Variants in CACNA1H observed in about 807,000 individuals in gnomAD.
CACNA1H encodes calcium voltage-gated channel subunit alpha1 H.
In CACNA1H, 149 loss-of-function variants were observed where a neutral mutation model predicts 192.5. The ratio of observed to expected loss-of-function variants is 0.77; its 90% CI spans 0.68 to 0.89. The LOEUF is 0.89. Among genes scored for constraint, CACNA1H ranks in the 40% least tolerant of loss-of-function variants. The probability of loss-of-function intolerance (pLI) is 0.00; values close to 1 mark genes in which losing one functional copy is unlikely to be tolerated. For missense variants in CACNA1H, 4,257 were observed against 3,423.5 expected, an observed-to-expected ratio of 1.24 and a Z score of -6.08; for synonymous variants, 2,202 against 1,475.2, an observed-to-expected ratio of 1.49 and a Z score of -11.29.
In CACNA1H at chr16:1,215,515, G is replaced by C. The variant is rs200481928; in HGVS notation, c.5174-8G>C. The C allele has an allele frequency of 1.7e-5, 28 of 1,610,646 alleles. No homozygotes were observed. The highest frequency in any genetic ancestry group is 1.6e-4 in the African/African-American group (12 of 75,008). On this transcript the variant is annotated splice_polypyrimidine_tract_variant and splice_region_variant and intron_variant, in intron 29 of 34. Coordinates refer to ENST00000348261, the MANE Select transcript of CACNA1H (RefSeq NM_021098.3). ...CCAGCCCTGCTGACGCTCAGCTCCC[G>C]GCCCTAGTGCTGAAGCTGCTGAAGA...
chr16:1,153,646 C>G (rs1374787770), intron 1 of CACNA1H, 74 bp from the exon 2 acceptor site: 5 of 978,430 alleles, frequency 5.1e-6, no homozygotes, highest in Admixed American at 4.7e-5. Flanking sequence ...CGCGGCTGTT[C>G]CCGCAGCTCC....
intron 2 of CACNA1H, among the ~76,000 whole-genome samples, chr16:1,164,383 A>G (rs1963540502): frequency 1.3e-5 from 2 of 152,032 alleles, no homozygotes; most frequent in African/African-American, 4.8e-5. Context: ...GCCCAGGCTG[A>G]GTGCAGTGGT....
At position 1,200,152 on chromosome 16, in the gene CACNA1H, C is replaced by A. The variant is rs575429135; in HGVS notation, c.804-104C>A. The A allele has an allele frequency of 4.4e-4, 403 of 912,508 alleles. 1 individual carries two copies. The highest frequency in any genetic ancestry group is 5.8e-4 in the Non-Finnish European group (368 of 632,610). 56.5% of individuals were successfully genotyped at this position (912,508 alleles called of 1,614,324 possible). ...TTAGTCCACTGGCCCTGACCCTGAT[C>A]ACGTCCCTGACCTTGATCACGTCCC... On this transcript the variant is annotated intron_variant, in intron 6 of 34. Coordinates refer to ENST00000348261, the MANE Select transcript of CACNA1H (RefSeq NM_021098.3).
At chr16:1,203,853 T>C (rs1968312483) in intron 9 of CACNA1H, among the ~76,000 whole-genome samples, 157 bp from the exon 10 acceptor site, 1 of 152,202 alleles carries the variant, frequency 6.6e-6, no homozygotes, top group Non-Finnish European at 1.5e-5. Context: ...AGATCCTGCT[T>C]TCTGTGAAGT....
chr16:1,216,056 CGTT>C (rs2141380962), intron 30 of CACNA1H, among the ~76,000 whole-genome samples: 1 of 152,308 alleles, frequency 6.6e-6, no homozygotes, highest in South Asian at 2.1e-4. Context: ...AGACCCAACA[CGTT>C]GTCCCGTCCG....
intron 2 of CACNA1H, among the ~76,000 whole-genome samples, chr16:1,182,108 C>A (rs1965538245): frequency 1.3e-5 from 2 of 152,212 alleles, no homozygotes; most frequent in Non-Finnish European, 2.9e-5. Context: ...TGGTGTTTCC[C>A]CGGGCTGTGG....
rs186291348 is a variant in CACNA1H, at chr16:1,172,274, C to A, written c.299+18238C>A. ...AGGGAGTTGGGGCTGGGGCTCCCCC[C>A]ACAGTGCATCACCGCAGCCTTGCCT... On this transcript the variant is annotated intron_variant, in intron 2 of 34. Transcript: ENST00000348261. Among the ~76,000 whole-genome samples the A allele has an allele frequency of 1.4e-3, 209 of 152,320 alleles. 1 individual carries two copies. Among genetic ancestry groups the A allele is most frequent in the African/African-American group, 4.6e-3 (192 of 41,562 alleles).
chr16:1,177,989 C>T (rs566795553), intron 2 of CACNA1H, among the ~76,000 whole-genome samples: 4 of 148,532 alleles, frequency 2.7e-5, no homozygotes, highest in South Asian at 4.4e-4. Context: ...GGGTCTCTCC[C>T]GCCCCCTCTC....
chr16:1,197,573 T>G (rs988620246), intron 5 of CACNA1H, among the ~76,000 whole-genome samples: 2 of 152,192 alleles, frequency 1.3e-5, no homozygotes, highest in Non-Finnish European at 1.5e-5. Context: ...CTGCATCCTG[T>G]TCTGTTGGCT....
At chr16:1,183,524 C>T (rs1207492949) in intron 2 of CACNA1H, among the ~76,000 whole-genome samples, 2 of 152,220 alleles carry the variant, frequency 1.3e-5, no homozygotes, top group Non-Finnish European at 2.9e-5. Flanking sequence ...GATCCTGGAT[C>T]GTGTGGCTGC....
At position 1,215,230 on chromosome 16, in the gene CACNA1H, C is replaced by T. The variant is rs911994343; in HGVS notation, c.5040-12C>T. On this transcript the variant is annotated splice_polypyrimidine_tract_variant and intron_variant, in intron 28 of 34. Coordinates refer to ENST00000348261, the MANE Select transcript of CACNA1H (RefSeq NM_021098.3). ...GACCCCAGACGTGTGCGCTGAGCCT[C>T]CGGCCACACAGGTGGAACCAGCTGG... is the stretch of plus-strand genomic sequence containing the variant. The T allele has an allele frequency of 2.5e-6, 4 of 1,597,438 alleles. No homozygotes were observed. The highest frequency in any genetic ancestry group is 2.7e-5 in the African/African-American group (2 of 74,622).
In CACNA1H at chr16:1,211,558, C is replaced by T. The variant is rs887612576; in HGVS notation, c.4428C>T (p.Ala1476=). 3 of 1,611,900 alleles carry T rather than the reference C, an allele frequency of 1.9e-6. No individual in the cohort carries two copies. The African/African-American group carries it at 4.0e-5, about 22-fold the overall frequency. ...CCACCAAGGCACAGTGCCGGGCCGC[C>T]CACTACCGCTGGGTGCGACGCAAGT... ...NISTKAQCRA[A]HYRWVRRKYN... The change falls in exon 23 of 35, where the codon GCC becomes GCT. Residue 1476 remains alanine (A), a synonymous_variant. Coordinates refer to ENST00000348261, the MANE Select transcript of CACNA1H (RefSeq NM_021098.3).
chr16:1,200,156 TCC>T, intron 6 of CACNA1H, 98 bp from the exon 7 acceptor site: 1 of 949,274 alleles, frequency 1.1e-6, no homozygotes, highest in African/African-American at 2.7e-5. Context: ...CCTGATCACG[TCC>T]CTGACCTTGA....
chr16:1,218,087 T>C, intron 32 of CACNA1H, 47 bp downstream of exon 32: 1 of 1,575,130 alleles, frequency 6.3e-7, no homozygotes, highest in Non-Finnish European at 8.6e-7. Flanking sequence ...CCCAGCGGTT[T>C]TTCAGGCTCT....
At position 1,202,137 on chromosome 16, in the gene CACNA1H, G is replaced by C. The variant is rs1368593523; in HGVS notation, c.1687G>C (p.Gly563Arg). The change falls in exon 9 of 35, where the codon GGC becomes CGC. Residue 563 changes from glycine (G) to arginine (R), a missense_variant. Physicochemically the swap from Gly to Arg is moderately radical, Grantham distance 125. Transcript: ENST00000348261. Reference sequence around the variant, plus strand: ...CGCGCCCCCCTCGCCACCTTCCCCAGGCCGCGGACCCCCCGACGCAGAGTC... The same window carrying C: ...CGCGCCCCCCTCGCCACCTTCCCCACGCCGCGGACCCCCCGACGCAGAGTC... ...AGAPPSPPSP[G>R]RGPPDAESVH... 7 of 1,548,478 alleles carry C rather than the reference G, an allele frequency of 4.5e-6. No individual in the cohort carries two copies. The highest frequency in any genetic ancestry group is 3.3e-4 in the Middle Eastern group (2 of 6,010).
chr16:1,182,276 C>G (rs1431425097), intron 2 of CACNA1H, among the ~76,000 whole-genome samples: 1 of 152,102 alleles, frequency 6.6e-6, no homozygotes, highest in Non-Finnish European at 1.5e-5. Flanking sequence ...AGGCCAGGGC[C>G]GCTCTCTGTG....
At chr16:1,191,876 C>G (rs571246823) in intron 2 of CACNA1H, among the ~76,000 whole-genome samples, 3 of 151,238 alleles carry the variant, frequency 2.0e-5, no homozygotes, top group Admixed American at 1.3e-4. Flanking sequence ...TTTTGGTGAC[C>G]CAGCAGGCTG....
Position 1,210,350 on chromosome 16 carries a change from A to AAAAGC in CACNA1H, c.3846-20_3846-19insAAAGC. 1 of 313,946 alleles carries AAAAGC rather than the reference A, an allele frequency of 3.2e-6. No homozygotes were observed. The highest frequency in any genetic ancestry group is 4.6e-6 in the Non-Finnish European group (1 of 215,956). 19.4% of individuals were successfully genotyped at this position (313,946 alleles called of 1,614,324 possible). A position where few individuals can be genotyped will look rare whatever the true frequency, so the allele number is the denominator to read the frequency against. The stretch of plus-strand genomic sequence containing the variant: ...TCCACGCCGCCCCGCCCCACCTCTC[A>AAAAGC]CCCGCCCCCGCCCACCCAGGTTCCG... On this transcript the variant is annotated intron_variant, in intron 18 of 34. Transcript: ENST00000348261.
chr16:1,201,810 G>A lies in CACNA1H; in HGVS notation c.1360G>A (p.Gly454Ser). The A allele has an allele frequency of 1.3e-6, 2 of 1,588,198 alleles. No individual in the cohort carries two copies. The highest frequency in any genetic ancestry group is 1.7e-6 in the Non-Finnish European group (2 of 1,168,276). The change falls in exon 9 of 35, where the codon GGC (glycine) becomes AGC (serine). Residue 454 changes from glycine (G) to serine (S), a missense_variant. Transcript: ENST00000348261. ...CACGCTGGCCAGCTTCTCCGAGCCT[G>A]GCAGCTGCTACGAAGAGCTGCTGAA... Reference protein sequence around the residue: ...DSTLASFSEPGSCYEELLKYV... With the variant: ...DSTLASFSEPSSCYEELLKYV...
Sources: allele counts gnomAD v4.1 joint callset (sites outside exome capture counted in the v4.1 genomes callset), GRCh38; gene constraint gnomAD v4.1.1; transcripts MANE v1.5; gene names NCBI Gene and HGNC (gene_info 2026-07-23, HGNC 2026-07-21).